Variants in JMJD1C observed in about 807,000 individuals in gnomAD.
JMJD1C encodes the protein jumonji domain-containing protein 1C.
Under a neutral mutation model 245.3 loss-of-function variants are expected in JMJD1C, and 31 were observed. The ratio of observed to expected loss-of-function variants is 0.13; its 90% CI spans 0.09 to 0.17. The LOEUF (loss-of-function observed/expected upper bound fraction) is 0.17, where lower values mean the gene tolerates loss of function less well. Among genes scored for constraint, JMJD1C ranks in the 10% least tolerant of loss-of-function variants. The pLI is 1.00. For missense variants in JMJD1C, 2,691 were observed against 3,000.2 expected (o/e 0.90, Z 2.41); for synonymous variants, 1,057 against 1,017.4 (o/e 1.04, Z -0.74).
intron 2 of JMJD1C, among the ~76,000 whole-genome samples, chr10:63,350,999 T>C (rs950239297): frequency 6.6e-6 from 1 of 152,088 alleles, no homozygotes; most frequent in Admixed American, 6.6e-5. Context: ...TCATATTTAA[T>C]ATACATCTAT....
chr10:63,446,121 C>A (rs3956912), intron 1 of JMJD1C, among the ~76,000 whole-genome samples: 4 of 151,672 alleles, frequency 2.6e-5, no homozygotes, highest in Non-Finnish European at 4.4e-5. Flanking sequence ...GCAATGTACC[C>A]GCCTTGGCCT....
intron 1 of JMJD1C, among the ~76,000 whole-genome samples, chr10:63,516,140 GA>G (rs35605123): frequency 0.66 from 99,451 of 150,456 alleles, 35,692 homozygotes; most frequent in Non-Finnish European, 0.81. Context: ...ATCGTTTACT[GA>G]ATAATTCCAT....
At chr10:63,377,524 T>C (rs568019724) in intron 2 of JMJD1C, among the ~76,000 whole-genome samples, 3 of 152,158 alleles carry the variant, frequency 2.0e-5, no homozygotes, top group South Asian at 4.1e-4. Flanking sequence ...CACAAGGTCA[T>C]GAGTTCAAGA....
chr10:63,312,487 G>A (rs1227921580), intron 2 of JMJD1C, among the ~76,000 whole-genome samples: 1 of 152,032 alleles, frequency 6.6e-6, no homozygotes, highest in African/African-American at 2.4e-5. Flanking sequence ...CAAGAAATAT[G>A]GAGTTAACCT....
intron 10 of JMJD1C, chr10:63,204,656 T>G: frequency 1.0e-6 from 1 of 985,416 alleles, no homozygotes; most frequent in Non-Finnish European, 1.2e-6. Flanking sequence ...AAAGCAACAC[T>G]GTATATAATC....
chr10:63,190,500 C>A (rs761346403), intron 17 of JMJD1C, among the ~76,000 whole-genome samples: 1 of 152,160 alleles, frequency 6.6e-6, no homozygotes. Context: ...CCGCACCCGG[C>A]CCCCCATATA....
intron 2 of JMJD1C, among the ~76,000 whole-genome samples, chr10:63,345,425 T>C (rs551519189): frequency 2.7e-5 from 4 of 148,870 alleles, no homozygotes; most frequent in African/African-American, 9.9e-5. Flanking sequence ...AGGCGGGAGG[T>C]TGCAGTGAGC....
chr10:63,505,065 C>A (rs557764359), intron 1 of JMJD1C, among the ~76,000 whole-genome samples: 105 of 152,272 alleles, frequency 6.9e-4, no homozygotes, highest in Non-Finnish European at 1.3e-3. Context: ...ATAACCCCAG[C>A]ACTTTGGGAG....
chr10:63,303,601 C>T (rs1027463333), intron 2 of JMJD1C, among the ~76,000 whole-genome samples: 12 of 152,096 alleles, frequency 7.9e-5, no homozygotes, highest in African/African-American at 2.7e-4. Flanking sequence ...CCACCATACC[C>T]GGCCTGCTTG....
At chr10:63,494,435 T>C (rs1165736835) in intron 1 of JMJD1C, among the ~76,000 whole-genome samples, 2 of 152,220 alleles carry the variant, frequency 1.3e-5, no homozygotes, top group African/African-American at 4.8e-5. Context: ...GTCATCATAT[T>C]GTGTATATTA....
chr10:63,510,124 C>A (rs1954831583), intron 1 of JMJD1C, among the ~76,000 whole-genome samples: 1 of 151,868 alleles, frequency 6.6e-6, no homozygotes, highest in Non-Finnish European at 1.5e-5. Flanking sequence ...TGCCTCGGCA[C>A]CCCCAAGTAG....
At chr10:63,501,387 C>G (rs1030012884) in intron 1 of JMJD1C, among the ~76,000 whole-genome samples, 2 of 149,818 alleles carry the variant, frequency 1.3e-5, no homozygotes, top group African/African-American at 4.9e-5. Context: ...TTAAAAACTT[C>G]ATTGCTAATT....
chr10:63,298,424 C>T (rs2133978233), intron 2 of JMJD1C, among the ~76,000 whole-genome samples: 1 of 152,290 alleles, frequency 6.6e-6, no homozygotes, highest in African/African-American at 2.4e-5. Flanking sequence ...CTGCTGGCAA[C>T]CTTTTGCAAT....
Position 63,478,459 on chromosome 10 carries a change from A to G in JMJD1C, n.113+43279T>C, listed in dbSNP as rs748456007. Among the ~76,000 whole-genome samples, 16 of 152,246 alleles carry G rather than the reference A, an allele frequency of 1.1e-4. 1 individual carries two copies. Among genetic ancestry groups the G allele is most frequent in the Non-Finnish European group, 5.9e-5 (4 of 68,046 alleles). ...TAAATGAAATATTATACATGCAACAATATAGATATGGATGAAGCTCTGCGT... is the reference window on the plus strand; with the variant it reads ...TAAATGAAATATTATACATGCAACAGTATAGATATGGATGAAGCTCTGCGT... On this transcript the variant is annotated intron_variant and non_coding_transcript_variant, in intron 1 of 3. Transcript: ENST00000633035.
chr10:63,309,275 C>T (rs1356446539), intron 2 of JMJD1C, among the ~76,000 whole-genome samples: 1 of 150,400 alleles, frequency 6.6e-6, no homozygotes, highest in Non-Finnish European at 1.5e-5. Flanking sequence ...GGTGGATCAC[C>T]TGAGGTCTGG....
At position 63,380,369 on chromosome 10, in the gene JMJD1C, G is replaced by A. The variant is rs1947119280; in HGVS notation, c.282C>T (p.Asp94=). ...EYHLIWAKRN[D]PSQTQGSKSK... ...TCTTTGATCCCTGAGTCTGGCTAGG[G>A]TCATTCCTTTTGGCCCAGATTAAGT... The change falls in exon 2 of 26, where the codon GAC becomes GAT. Residue 94 remains aspartate, a synonymous_variant. Transcript: ENST00000399262. 2 of 1,613,840 alleles carry A rather than the reference G, an allele frequency of 1.2e-6. No individual in the cohort carries two copies. Among genetic ancestry groups the A allele is most frequent in the East Asian group, 2.2e-5 (1 of 44,886 alleles).
At chr10:63,227,549 CTGAA>C (rs2133358621) in intron 3 of JMJD1C, among the ~76,000 whole-genome samples, 1 of 152,340 alleles carries the variant, frequency 6.6e-6, no homozygotes, top group Admixed American at 6.5e-5. Context: ...TAGATAATGA[CTGAA>C]TGCTCACTTT....
intron 24 of JMJD1C, among the ~76,000 whole-genome samples, chr10:63,175,987 C>T (rs1245251415): frequency 6.6e-6 from 1 of 152,144 alleles, no homozygotes; most frequent in Non-Finnish European, 1.5e-5. Flanking sequence ...TGTGTCCCCC[C>T]ATGCTTTTAA....
In JMJD1C at chr10:63,193,438, A is replaced by G; in HGVS notation, c.5769T>C (p.Leu1923=). 6.3e-7 allele frequency: 1 copy of G among 1,598,250 alleles called. No homozygotes were observed. Among genetic ancestry groups the G allele is most frequent in the Non-Finnish European group, 8.6e-7 (1 of 1,169,344 alleles). ...GGGATTTAATACCATATTTTTCCCTAAGAGTGTGCATGGCATCTAGAAGAT... is the reference window on the plus strand; with the variant it reads ...GGGATTTAATACCATATTTTTCCCTGAGAGTGTGCATGGCATCTAGAAGAT... ...LTDLLDAMHT[L]REKYGIKSHC... Residue 1923 remains leucine, a synonymous_variant, in exon 15 of 26, where the codon CTT becomes CTC. Coordinates refer to ENST00000399262, the MANE Select transcript of JMJD1C (RefSeq NM_032776.3).
Sources: gnomAD v4.1 joint callset for allele counts (sites outside exome capture counted in the v4.1 genomes callset) on GRCh38, gnomAD v4.1.1 for gene constraint, MANE v1.5 for transcripts, NCBI Gene and HGNC (gene_info 2026-07-23, HGNC 2026-07-21) for gene names.